PLPPR1: variants seen among roughly 807,000 people sequenced by gnomAD.
PLPPR1 encodes the protein phospholipid phosphatase related 1, also known as phospholipid phosphatase-related protein type 1.
Under a neutral mutation model 33.1 loss-of-function variants are expected in PLPPR1, and 10 were observed. The observed-to-expected ratio is 0.30, with a 90% CI of 0.19 to 0.51. The LOEUF (loss-of-function observed/expected upper bound fraction) is 0.51. PLPPR1 is among the 20% of genes least tolerant of loss of function. PLPPR1 has a pLI of 0.97. For missense variants in PLPPR1, 304 were observed against 408.1 expected (o/e 0.74, Z 2.20); for synonymous variants, 151 against 151.0 (o/e 1.00, Z 0.00).
At position 101,034,498 on chromosome 9, in the gene PLPPR1, G is replaced by A. The variant is rs541309498; in HGVS notation, c.-46+5396G>A. ...AGAGCACAGGCTCTAGAGTTAGGCT[G>A]TTAACCTGAATTAATTCTGAATTGA... On this transcript the variant is annotated intron_variant, in intron 1 of 7. Coordinates refer to ENST00000374874, the MANE Select transcript of PLPPR1 (RefSeq NM_207299.2). 4.7e-4 allele frequency among the ~76,000 whole-genome samples: 71 copies of A among 152,262 alleles called. 2 individuals carry two copies. In the South Asian group the frequency reaches 5.0e-3, roughly 11 times the overall value.
At chr9:101,140,906 G>A (rs1219617075) in intron 1 of PLPPR1, among the ~76,000 whole-genome samples, 1 of 152,116 alleles carries the variant, frequency 6.6e-6, no homozygotes, top group Non-Finnish European at 1.5e-5. Flanking sequence ...AGAAAGAGGT[G>A]GAAAGTGTGC....
chr9:101,131,846 C>G (rs745447590), intron 1 of PLPPR1, among the ~76,000 whole-genome samples: 15 of 152,224 alleles, frequency 9.9e-5, no homozygotes, highest in Non-Finnish European at 2.1e-4. Flanking sequence ...AGCTTTGCCA[C>G]TTACTGGCTG....
At position 101,270,041 on chromosome 9, in the gene PLPPR1, T is replaced by C. The variant is rs1828066111; in HGVS notation, c.225T>C (p.Cys75=). ...ESFITPLVLY[C]VLAATPTAII... is the part of the protein sequence containing the mutation. Reference sequence around the variant, plus strand: ...TCATCACCCCTCTGGTGCTCTATTGTGTGCTGGCTGCCACCCCAACTGCTA... The same window carrying C: ...TCATCACCCCTCTGGTGCTCTATTGCGTGCTGGCTGCCACCCCAACTGCTA... Residue 75 remains cysteine (C), a synonymous_variant, in exon 3 of 8, where the codon TGT becomes TGC. Coordinates refer to ENST00000374874, the MANE Select transcript of PLPPR1 (RefSeq NM_207299.2). The C allele has an allele frequency of 6.2e-7, 1 of 1,614,224 alleles. No homozygotes were observed. The highest frequency in any genetic ancestry group is 2.2e-5 in the East Asian group (1 of 44,888).
At chr9:101,149,294 A>T (rs1588048071) in intron 1 of PLPPR1, among the ~76,000 whole-genome samples, 1 of 152,226 alleles carries the variant, frequency 6.6e-6, no homozygotes. Flanking sequence ...TTTGTGAATG[A>T]ATGAATACAT....
intron 1 of PLPPR1, among the ~76,000 whole-genome samples, chr9:101,045,287 G>A (rs978456558): frequency 1.3e-5 from 2 of 152,210 alleles, no homozygotes; most frequent in Non-Finnish European, 2.9e-5. Context: ...TGAACAGGCT[G>A]ATGGAGGTCT....
At chr9:101,077,784 A>G (rs573299450) in intron 1 of PLPPR1, among the ~76,000 whole-genome samples, 2 of 152,072 alleles carry the variant, frequency 1.3e-5, no homozygotes, top group South Asian at 2.1e-4. Context: ...AGGGGGCCTA[A>G]CCTTGGGCAA....
At chr9:101,070,634 A>G (rs1174360030) in intron 1 of PLPPR1, among the ~76,000 whole-genome samples, 1 of 152,100 alleles carries the variant, frequency 6.6e-6, no homozygotes, top group African/African-American at 2.4e-5. Context: ...TACCTTCTCA[A>G]TAACGGCCTA....
intron 1 of PLPPR1, among the ~76,000 whole-genome samples, chr9:101,151,168 A>C (rs1831580853): frequency 6.6e-6 from 1 of 152,122 alleles, no homozygotes; most frequent in African/African-American, 2.4e-5. Context: ...GGATTATAGA[A>C]AATAGTCTAT....
At chr9:101,263,122 C>A (rs1023077044) in intron 2 of PLPPR1, among the ~76,000 whole-genome samples, 10 of 151,708 alleles carry the variant, frequency 6.6e-5, no homozygotes, top group African/African-American at 2.4e-4. Flanking sequence ...CCCGGACATT[C>A]TGCACATGTA....
intron 2 of PLPPR1, among the ~76,000 whole-genome samples, chr9:101,191,376 T>C (rs900431132): frequency 1.6e-4 from 24 of 152,160 alleles, no homozygotes; most frequent in Middle Eastern, 3.2e-3. Flanking sequence ...GAGATAAAAT[T>C]CAAATAGTCT....
chr9:101,079,905 T>A (rs1830597742), intron 1 of PLPPR1, among the ~76,000 whole-genome samples: 3 of 152,198 alleles, frequency 2.0e-5, no homozygotes, highest in African/African-American at 7.2e-5. Context: ...TAGGAAAGCC[T>A]ATTTTTTTCT....
chr9:101,178,870 C>A, intron 1 of PLPPR1, among the ~76,000 whole-genome samples: 1 of 152,184 alleles, frequency 6.6e-6, no homozygotes, highest in Non-Finnish European at 1.5e-5. Flanking sequence ...TAGTGATCCA[C>A]TAGCAAAATT....
chr9:101,115,281 G>C (rs538613450), intron 1 of PLPPR1, among the ~76,000 whole-genome samples: 1 of 152,150 alleles, frequency 6.6e-6, no homozygotes, highest in Non-Finnish European at 1.5e-5. Flanking sequence ...ACATGTATCC[G>C]TGCTCCCAGG....
intron 1 of PLPPR1, among the ~76,000 whole-genome samples, chr9:101,033,909 T>A (rs1169379968): frequency 6.6e-6 from 1 of 152,076 alleles, no homozygotes; most frequent in Non-Finnish European, 1.5e-5. Context: ...TGATTTTAAG[T>A]GAGGGGAGTT....
chr9:101,036,709 A>G (rs1299952207), intron 1 of PLPPR1, among the ~76,000 whole-genome samples: 1 of 151,322 alleles, frequency 6.6e-6, no homozygotes, highest in Non-Finnish European at 1.5e-5. Context: ...GCCAAAAAAA[A>G]AAAAAAAAAA....
At chr9:101,177,411 C>T (rs537838233) in intron 1 of PLPPR1, among the ~76,000 whole-genome samples, 3 of 152,126 alleles carry the variant, frequency 2.0e-5, no homozygotes, top group African/African-American at 7.2e-5. Context: ...TCAGACAGTT[C>T]ATTGTTAGTG....
At position 101,060,393 on chromosome 9, in the gene PLPPR1, TTG is replaced by T. The variant is rs1462620237; in HGVS notation, c.-46+31293_-46+31294del. 1.3e-5 allele frequency among the ~76,000 whole-genome samples: 2 copies of T among 152,008 alleles called. 1 individual carries two copies. The highest frequency in any genetic ancestry group is 2.9e-5 in the Non-Finnish European group (2 of 67,906). ...AGGAGGAATAAGTTCAAGAAATCTATTGTACGTCATAGTGACTACAGTTAACA... is the reference window on the plus strand; with the variant it reads ...AGGAGGAATAAGTTCAAGAAATCTATTACGTCATAGTGACTACAGTTAACA... On this transcript the variant is annotated intron_variant, in intron 1 of 7. Coordinates refer to ENST00000374874, the MANE Select transcript of PLPPR1 (RefSeq NM_207299.2).
At chr9:101,300,950 T>G (rs1275643941) in intron 4 of PLPPR1, among the ~76,000 whole-genome samples, 1 of 152,220 alleles carries the variant, frequency 6.6e-6, no homozygotes, top group Non-Finnish European at 1.5e-5. Flanking sequence ...ATTTGTGAGA[T>G]AAAGCACTGG....
At position 101,164,990 on chromosome 9, in the gene PLPPR1, C is replaced by A. The variant is rs545422606; in HGVS notation, c.-45-20460C>A. Among the ~76,000 whole-genome samples the A allele has an allele frequency of 2.6e-5, 4 of 152,110 alleles. No homozygotes were observed. In the South Asian group the frequency reaches 8.3e-4, roughly 32 times the overall value. On this transcript the variant is annotated intron_variant, in intron 1 of 7. Coordinates refer to ENST00000374874, the MANE Select transcript of PLPPR1 (RefSeq NM_207299.2). Reference sequence around the variant, plus strand: ...AGCTAAAGGCAAACTTTTAGTCACCCCTTCCACAGTTCTCCTTGGAACAAT... The same window carrying A: ...AGCTAAAGGCAAACTTTTAGTCACCACTTCCACAGTTCTCCTTGGAACAAT...
Sources: allele counts gnomAD v4.1 joint callset (sites outside exome capture counted in the v4.1 genomes callset), GRCh38; gene constraint gnomAD v4.1.1; transcripts MANE v1.5; gene names NCBI Gene and HGNC (gene_info 2026-07-23, HGNC 2026-07-21).